Variants in ITIH5 observed in about 807,000 individuals in gnomAD.
The protein encoded by ITIH5 is inter-alpha-trypsin inhibitor heavy chain H5.
Under a neutral mutation model 77.5 loss-of-function variants are expected in ITIH5, and 65 were observed. That is an observed-to-expected ratio of 0.84 (90% CI 0.69 to 1.03). The LOEUF is 1.03. Among genes scored for constraint, ITIH5 ranks in the 50% least tolerant of loss-of-function variants. The probability of loss-of-function intolerance (pLI) is 0.00; values close to 1 mark genes in which losing one functional copy is unlikely to be tolerated. For synonymous variants in ITIH5, 525 were observed against 494.3 expected (o/e 1.06, Z -0.82); for missense variants, 1,208 against 1,213.1 (o/e 1.00, Z 0.06).
chr10:7,614,081 C>T (rs968453028), intron 7 of ITIH5, among the ~76,000 whole-genome samples: 2 of 152,130 alleles, frequency 1.3e-5, no homozygotes, highest in Admixed American at 6.5e-5. Flanking sequence ...GAATACCATA[C>T]CTAGTAAAAA....
intron 9 of ITIH5, among the ~76,000 whole-genome samples, 199 bp from the exon 10 acceptor site, chr10:7,577,211 CA>C (rs1196893805): frequency 1.3e-5 from 2 of 152,202 alleles, no homozygotes; most frequent in Non-Finnish European, 2.9e-5. Flanking sequence ...AGAGGGAATG[CA>C]TTCTCTCACG....
At chr10:7,655,939 A>G (rs926990378) in intron 1 of ITIH5, among the ~76,000 whole-genome samples, 1 of 152,186 alleles carries the variant, frequency 6.6e-6, no homozygotes, top group Non-Finnish European at 1.5e-5. Flanking sequence ...GCATTCTTCT[A>G]TCTGTAAGAG....
chr10:7,579,165 T>C (rs184116306), intron 9 of ITIH5, among the ~76,000 whole-genome samples: 104 of 152,360 alleles, frequency 6.8e-4, no homozygotes, highest in African/African-American at 2.5e-3. Flanking sequence ...GATTTTCTCA[T>C]TAAATTCTGC....
intron 13 of ITIH5, among the ~76,000 whole-genome samples, chr10:7,565,066 G>C (rs1373293039): frequency 1.3e-4 from 6 of 45,828 alleles, no homozygotes; most frequent in African/African-American, 1.6e-4. Flanking sequence ...TACACACATA[G>C]ACTGTATATA....
chr10:7,574,455 C>T (rs1832365371), intron 10 of ITIH5, among the ~76,000 whole-genome samples: 1 of 151,982 alleles, frequency 6.6e-6, no homozygotes, highest in South Asian at 2.1e-4. Flanking sequence ...ATTTAAAAAC[C>T]ATCAGAGCTT....
intron 7 of ITIH5, among the ~76,000 whole-genome samples, chr10:7,590,454 G>A (rs1258515489): frequency 3.3e-5 from 5 of 152,138 alleles, no homozygotes; most frequent in African/African-American, 1.2e-4. Flanking sequence ...CTAAAATGCT[G>A]GTGTGCCACA....
In ITIH5 at chr10:7,577,014, T is replaced by C; in HGVS notation, c.1419-2A>G. The C allele has an allele frequency of 6.2e-7, 1 of 1,604,520 alleles. No homozygotes were observed. The highest frequency in any genetic ancestry group is 8.5e-7 in the Non-Finnish European group (1 of 1,173,526). ...GGGGTCCTGATTTCATCGTAGAACC[T>C]GCAGTGGAAGCACAGGGAGGGAGGG... On this transcript the variant is annotated splice_acceptor_variant, in intron 9 of 13. Coordinates refer to ENST00000397146, the MANE Select transcript of ITIH5 (RefSeq NM_030569.7). LOFTEE classifies it high-confidence loss of function.
Position 7,662,983 on chromosome 10 carries a change from A to G in ITIH5, c.90+3820T>C, listed in dbSNP as rs556510840. On this transcript the variant is annotated intron_variant, in intron 1 of 13. Coordinates refer to ENST00000397146, the MANE Select transcript of ITIH5 (RefSeq NM_030569.7). Reference sequence around the variant, plus strand: ...GAAATTAAAAATCTGGAAATGTCCAATTCAGGGAATTAGAAATGTATCACC... The same window carrying G: ...GAAATTAAAAATCTGGAAATGTCCAGTTCAGGGAATTAGAAATGTATCACC... 1.9e-3 allele frequency among the ~76,000 whole-genome samples: 282 copies of G among 152,358 alleles called. 1 individual carries two copies. The highest frequency in any genetic ancestry group is 6.4e-3 in the African/African-American group (266 of 41,586).
Position 7,566,071 on chromosome 10 carries a change from G to A in ITIH5, c.2486C>T (p.Ala829Val), listed in dbSNP as rs759567550. ...GTTGCTGGAAAGGCCCTCGCTGTTG[G>A]CAATGTAGAAACCCAGGTGGTGTCG... ...FQRHHLGFYI[A>V]NSEGLSSNCH... Residue 829 changes from alanine (A) to valine (V), a missense_variant, in exon 13 of 14, where the codon GCC becomes GTC. Transcript: ENST00000397146. 5 of 1,614,036 alleles carry A rather than the reference G, an allele frequency of 3.1e-6. No individual in the cohort carries two copies. In the South Asian group the frequency reaches 5.5e-5, roughly 18 times the overall value.
chr10:7,574,616 A>T (rs1832369166), intron 10 of ITIH5, among the ~76,000 whole-genome samples: 1 of 151,722 alleles, frequency 6.6e-6, no homozygotes, highest in Non-Finnish European at 1.5e-5. Flanking sequence ...ACACGGTGAA[A>T]CCCCATCTCT....
intron 8 of ITIH5, among the ~76,000 whole-genome samples, chr10:7,585,690 T>C (rs566319832): frequency 2.0e-5 from 3 of 152,086 alleles, no homozygotes; most frequent in Non-Finnish European, 4.4e-5. Flanking sequence ...CCCCAGAACT[T>C]CACCAGCTTC....
intron 13 of ITIH5, 50 bp from the exon 14 acceptor site, chr10:7,563,434 G>A (rs370505197): frequency 5.2e-5 from 79 of 1,532,338 alleles, no homozygotes; most frequent in African/African-American, 9.6e-5. Flanking sequence ...CAGAAACCTC[G>A]TGCTGAACTC....
chr10:7,606,402 C>T (rs913928594), intron 7 of ITIH5, among the ~76,000 whole-genome samples: 13 of 152,164 alleles, frequency 8.5e-5, no homozygotes, highest in Non-Finnish European at 1.3e-4. Context: ...TACAAATATA[C>T]CATGGAATAC....
intron 7 of ITIH5, among the ~76,000 whole-genome samples, chr10:7,597,859 G>A (rs887757093): frequency 5.3e-5 from 8 of 152,090 alleles, no homozygotes; most frequent in African/African-American, 1.9e-4. Flanking sequence ...TAATTTGAAG[G>A]AAGCTTTTCT....
At chr10:7,569,609 G>A (rs1832256147) in intron 12 of ITIH5, 59 bp downstream of exon 12, 4 of 1,052,708 alleles carry the variant, frequency 3.8e-6, no homozygotes, top group Non-Finnish European at 4.2e-6. Context: ...GAAGAACAGA[G>A]GGGGATGCAG....
chr10:7,634,415 G>A (rs1186602735), intron 5 of ITIH5, among the ~76,000 whole-genome samples: 1 of 152,174 alleles, frequency 6.6e-6, no homozygotes, highest in Non-Finnish European at 1.5e-5. Flanking sequence ...AGCAAAAAGG[G>A]AATCCGTCCA....
intron 7 of ITIH5, among the ~76,000 whole-genome samples, chr10:7,597,161 G>A (rs879778416): frequency 6.6e-6 from 1 of 151,564 alleles, no homozygotes; most frequent in Non-Finnish European, 1.5e-5. Flanking sequence ...TTTCTGAAAG[G>A]TAATTTTGGA....
rs1404027356 is a variant in ITIH5 at position 7,559,604 on chromosome 10, T to C, written c.*3479A>G. 2 of 258,302 alleles carry C rather than the reference T, an allele frequency of 7.7e-6. No individual in the cohort carries two copies. Among genetic ancestry groups the C allele is most frequent in the Non-Finnish European group, 1.5e-5 (2 of 132,684 alleles). The allele number at this position is 258,302 out of a possible 1,614,324, so 16.0% of individuals were successfully genotyped here. ...GGAAGCTTAAAGAACAGAAAAAGAATTAACGTTTTGAATGATTTGGTGTCT... is the reference window on the plus strand; with the variant it reads ...GGAAGCTTAAAGAACAGAAAAAGAACTAACGTTTTGAATGATTTGGTGTCT... On this transcript the variant is annotated 3_prime_UTR_variant, in exon 14 of 14. Coordinates refer to ENST00000397146, the MANE Select transcript of ITIH5 (RefSeq NM_030569.7).
chr10:7,611,565 T>C (rs1564259412), intron 7 of ITIH5, among the ~76,000 whole-genome samples: 1 of 152,238 alleles, frequency 6.6e-6, no homozygotes, highest in Non-Finnish European at 1.5e-5. Flanking sequence ...GATGCATTTC[T>C]TTAATTACTA....
Sources: allele counts gnomAD v4.1 joint callset (sites outside exome capture counted in the v4.1 genomes callset), GRCh38; gene constraint gnomAD v4.1.1; transcripts MANE v1.5; gene names NCBI Gene and HGNC (gene_info 2026-07-23, HGNC 2026-07-21).